The following CACNA1H variants were observed in gnomAD, a reference collection of about 807,000 sequenced individuals.
The protein encoded by CACNA1H is voltage-dependent T-type calcium channel subunit alpha-1H.
A neutral mutation model predicts 192.5 loss-of-function variants in CACNA1H; 149 were observed. The ratio of observed to expected loss-of-function variants is 0.77; its 90% CI spans 0.68 to 0.89. CACNA1H has a LOEUF of 0.89. CACNA1H is among the 40% of genes least tolerant of loss of function. The probability of loss-of-function intolerance (pLI) is 0.00; values close to 1 mark genes in which losing one functional copy is unlikely to be tolerated. For synonymous variants in CACNA1H, 2,202 were observed against 1,475.2 expected (o/e 1.49, Z -11.29); for missense variants, 4,257 against 3,423.5 (o/e 1.24, Z -6.08).
chr16:1,166,592 G>A (rs1056496871), intron 2 of CACNA1H, among the ~76,000 whole-genome samples: 7 of 152,098 alleles, frequency 4.6e-5, no homozygotes, highest in South Asian at 2.1e-4. Flanking sequence ...TCCTCGCCCC[G>A]AGAGGAAACC....
chr16:1,205,851 C>A (rs988434988), intron 11 of CACNA1H, among the ~76,000 whole-genome samples: 1 of 152,204 alleles, frequency 6.6e-6, no homozygotes, highest in Non-Finnish European at 1.5e-5. Context: ...AGCTTCCCTG[C>A]CCTGGCCAGA....
At chr16:1,205,783 C>T (rs887795249) in intron 11 of CACNA1H, among the ~76,000 whole-genome samples, 1 of 152,182 alleles carries the variant, frequency 6.6e-6, no homozygotes, top group African/African-American at 2.4e-5. Context: ...GTGAGCAGAA[C>T]GGACAAGCCA....
intron 2 of CACNA1H, among the ~76,000 whole-genome samples, chr16:1,183,847 C>T (rs1203647142): frequency 6.6e-6 from 1 of 152,246 alleles, no homozygotes; most frequent in Non-Finnish European, 1.5e-5. Context: ...ACTCCAAAGT[C>T]TGCAAACATC....
rs372851683 is a variant in CACNA1H at position 1,201,856 on chromosome 16, G to A, written c.1406G>A (p.Arg469His). Residue 469 changes from arginine to histidine, a missense_variant, in exon 9 of 35, where the codon CGC becomes CAC. By Grantham distance (29) the Arg-to-His change is conservative. Transcript: ENST00000348261. ...ELLKYVGHIF[R>H]KVKRRSLRLY... ...CTGAAGTACGTGGGCCACATATTCC[G>A]CAAGGTCAAGCGGCGCAGCTTGCGC... 1.3e-5 allele frequency: 20 copies of A among 1,561,252 alleles called. No homozygotes were observed. In the East Asian group the frequency reaches 1.4e-4, roughly 11 times the overall value.
chr16:1,201,511 C>G (rs1318241843), intron 8 of CACNA1H, among the ~76,000 whole-genome samples, 152 bp from the exon 9 acceptor site: 1 of 152,198 alleles, frequency 6.6e-6, no homozygotes, highest in Non-Finnish European at 1.5e-5. Flanking sequence ...GGGCTCAGCA[C>G]TGAACACCGC....
Position 1,220,519 on chromosome 16 carries a change from C to A in CACNA1H, c.6587C>A (p.Pro2196His). ...KMSPPCISVE[P>H]PAEDEGSARP... ...AGCCCCCCCTGCATCTCGGTGGAACCCCCTGCGGAGGACGAGGGCTCTGCG... is the reference window on the plus strand; with the variant it reads ...AGCCCCCCCTGCATCTCGGTGGAACACCCTGCGGAGGACGAGGGCTCTGCG... Residue 2196 changes from proline to histidine, a missense_variant, in exon 35 of 35, where the codon CCC becomes CAC. Pro to His is a moderately conservative substitution (Grantham distance 77). Transcript: ENST00000348261. 1.3e-6 allele frequency: 2 copies of A among 1,538,078 alleles called. No homozygotes were observed. The highest frequency in any genetic ancestry group is 1.8e-4 in the Middle Eastern group (1 of 5,670).
chr16:1,218,131 A>G, intron 32 of CACNA1H, 79 bp from the exon 33 acceptor site: 4 of 1,535,372 alleles, frequency 2.6e-6, no homozygotes, highest in Non-Finnish European at 3.5e-6. Context: ...CTTGCAGGGC[A>G]GGGGGAAGGG....
intron 15 of CACNA1H, 25 bp downstream of exon 15, chr16:1,207,885 G>A (rs780180942): frequency 3.1e-5 from 49 of 1,561,444 alleles, no homozygotes; most frequent in African/African-American, 9.5e-5. Flanking sequence ...TGGGTGGTCC[G>A]GGTTCTGGCG....
At position 1,153,692 on chromosome 16, in the gene CACNA1H, G is replaced by A. The variant is rs536495319; in HGVS notation, c.-18-28G>A. The A allele has an allele frequency of 2.2e-3, 2,619 of 1,179,358 alleles. 7 individuals are homozygous for A. Among genetic ancestry groups the A allele is most frequent in the Middle Eastern group, 4.1e-3 (12 of 2,946 alleles). The allele number at this position is 1,179,358 out of a possible 1,614,324, so 73.1% of individuals were successfully genotyped here. On this transcript the variant is annotated intron_variant, in intron 1 of 34. Transcript: ENST00000348261. The stretch of plus-strand genomic sequence containing the variant: ...AGGCAGGGCGGGGGCGTCGCCACCG[G>A]CCCCGGGTCACCCCCTGTCCTCTGC...
chr16:1,167,974 C>A lies in CACNA1H; in HGVS notation c.299+13938C>A, dbSNP rs572345465. The stretch of plus-strand genomic sequence containing the variant: ...TTCCCCGGGGCTGCCTGGAGGCGGC[C>A]GCTTGTCCCCAAGGCCTGGTGACCG... On this transcript the variant is annotated intron_variant, in intron 2 of 34. Coordinates refer to ENST00000348261, the MANE Select transcript of CACNA1H (RefSeq NM_021098.3). This position sits in a 1 kb window ranked among gnomAD's most constrained non-coding sequence, Gnocchi z 4.2. Among the ~76,000 whole-genome samples the A allele has an allele frequency of 6.6e-6, 1 of 152,166 alleles. No homozygotes were observed. Among genetic ancestry groups the A allele is most frequent in the African/African-American group, 2.4e-5 (1 of 41,442 alleles).
At chr16:1,200,939 G>A (rs1368150103) in intron 8 of CACNA1H, 131 bp downstream of exon 8, 2 of 666,086 alleles carry the variant, frequency 3.0e-6, no homozygotes, top group African/African-American at 3.6e-5. Flanking sequence ...GGGGAGGGAG[G>A]CAGAGCTTGC....
At chr16:1,208,487 G>A (rs554219721) in intron 16 of CACNA1H, among the ~76,000 whole-genome samples, 5 of 152,328 alleles carry the variant, frequency 3.3e-5, no homozygotes, top group African/African-American at 9.6e-5. Flanking sequence ...CAGAAAGACC[G>A]AAGCAAGCAG....
Position 1,180,480 on chromosome 16 carries a change from C to T in CACNA1H, c.300-14492C>T, listed in dbSNP as rs1204207538. Among the ~76,000 whole-genome samples, 1 of 152,132 alleles carries T rather than the reference C, an allele frequency of 6.6e-6. No homozygotes were observed. The highest frequency in any genetic ancestry group is 2.4e-5 in the African/African-American group (1 of 41,426). On this transcript the variant is annotated intron_variant, in intron 2 of 34. Transcript: ENST00000348261. This position sits in a 1 kb window ranked among gnomAD's most constrained non-coding sequence, Gnocchi z 4.4. ...ACTGGAGGTGCCGTGGAGGGTGGGC[C>T]TGTGTCCTGGTGTCCCTGGCGTCCC... is the stretch of plus-strand genomic sequence containing the variant.
In CACNA1H at chr16:1,211,160, C is replaced by A; in HGVS notation, c.4224-8C>A. Reference sequence around the variant, plus strand: ...GATGACTGCAGTGTATCCTTCACTCCCCTCCAGGGTCATCAGCCGGGCCCC... The same window carrying A: ...GATGACTGCAGTGTATCCTTCACTCACCTCCAGGGTCATCAGCCGGGCCCC... On this transcript the variant is annotated splice_region_variant and splice_polypyrimidine_tract_variant and intron_variant, in intron 21 of 34. Transcript: ENST00000348261. 1.2e-6 allele frequency: 2 copies of A among 1,612,272 alleles called. No individual in the cohort carries two copies. The highest frequency in any genetic ancestry group is 2.2e-5 in the South Asian group (2 of 91,042).
intron 8 of CACNA1H, 22 bp downstream of exon 8, chr16:1,200,830 C>A (rs1449419840): frequency 2.0e-6 from 3 of 1,537,242 alleles, no homozygotes; most frequent in African/African-American, 1.4e-5. Context: ...CGGCAGTGTT[C>A]GCCATGATGG....
rs988262658 is a variant in CACNA1H, at chr16:1,167,292, C to T, written c.299+13256C>T. Among the ~76,000 whole-genome samples the T allele has an allele frequency of 4.6e-5, 7 of 152,060 alleles. No homozygotes were observed. Among genetic ancestry groups the T allele is most frequent in the African/African-American group, 7.3e-5 (3 of 41,366 alleles). On this transcript the variant is annotated intron_variant, in intron 2 of 34. Transcript: ENST00000348261. This position sits in a 1 kb window ranked among gnomAD's most constrained non-coding sequence, Gnocchi z 4.2. ...GTGGGTGGGGCTTGCCGGCCGCCCG[C>T]GAATGTCAGGAACCTTGGATTCCTG... is the stretch of plus-strand genomic sequence containing the variant.
intron 2 of CACNA1H, among the ~76,000 whole-genome samples, chr16:1,174,526 G>GGGAA (rs977470206): frequency 2.0e-5 from 3 of 152,058 alleles, no homozygotes; most frequent in African/African-American, 7.2e-5. Context: ...GAGGGAGGGA[G>GGGAA]GGAAGGAAGG....
At chr16:1,217,368 A>G (rs752297197) in intron 31 of CACNA1H, among the ~76,000 whole-genome samples, 2 of 152,192 alleles carry the variant, frequency 1.3e-5, no homozygotes, top group Non-Finnish European at 2.9e-5. Flanking sequence ...CCAGGAGACA[A>G]ATGTTGGCTG....
In CACNA1H at chr16:1,203,839, G is replaced by A. The variant is rs565162204; in HGVS notation, c.2003-171G>A. ...TTCCTCATTGTAACCCATGACACCT[G>A]CAAAGATCCTGCTTTCTGTGAAGTC... On this transcript the variant is annotated intron_variant, in intron 9 of 34. Coordinates refer to ENST00000348261, the MANE Select transcript of CACNA1H (RefSeq NM_021098.3). Among the ~76,000 whole-genome samples, 18 of 152,296 alleles carry A rather than the reference G, an allele frequency of 1.2e-4. No individual in the cohort carries two copies. The South Asian group carries it at 3.5e-3, about 30-fold the overall frequency.
Sources: allele counts gnomAD v4.1 joint callset (sites outside exome capture counted in the v4.1 genomes callset), GRCh38; gene constraint gnomAD v4.1.1; non-coding constraint Gnocchi (gnomAD v3.1); transcripts MANE v1.5; gene names NCBI Gene and HGNC (gene_info 2026-07-23, HGNC 2026-07-21).